Variants in ATG7 observed in about 807,000 individuals in gnomAD.
ATG7 encodes autophagy related 7.
Under a neutral mutation model 82.4 loss-of-function variants are expected in ATG7, and 70 were observed. That is an observed-to-expected ratio of 0.85 (90% CI 0.70 to 1.04). ATG7 has a LOEUF of 1.04. Ranked by LOEUF, ATG7 falls within the 50% of genes least tolerant of loss-of-function variation. The pLI, the probability that ATG7 is intolerant of heterozygous loss-of-function variation, is 0.00. For synonymous variants in ATG7, 287 were observed against 313.0 expected, an observed-to-expected ratio of 0.92 and a Z score of 0.88; for missense variants, 792 against 864.3, an observed-to-expected ratio of 0.92 and a Z score of 1.05.
At chr3:11,488,298 T>G (rs2089957172) in intron 20 of ATG7, 1 of 291,598 alleles carries the variant, frequency 3.4e-6, no homozygotes, top group Admixed American at 5.5e-5. Flanking sequence ...GGCAGGCGGC[T>G]GCTCCTTGCC....
chr3:11,414,507 T>A (rs1202639137), intron 19 of ATG7, among the ~76,000 whole-genome samples: 2 of 152,244 alleles, frequency 1.3e-5, no homozygotes, highest in Non-Finnish European at 2.9e-5. Flanking sequence ...ACAGTTTTAT[T>A]TCTTCCTTCC....
chr3:11,288,676 C>T (rs746131628), intron 3 of ATG7: 1 of 152,240 alleles, frequency 6.6e-6, no homozygotes, highest in Admixed American at 6.5e-5. Flanking sequence ...CGCCACTGCA[C>T]ATTTCCTGTG....
intron 20 of ATG7, among the ~76,000 whole-genome samples, chr3:11,512,344 A>G (rs571229024): frequency 6.6e-6 from 1 of 152,334 alleles, no homozygotes; most frequent in East Asian, 1.9e-4. Context: ...CTCTGGGTCA[A>G]GGGCTCCAGA....
chr3:11,297,715 T>C (rs1381829031), intron 3 of ATG7, among the ~76,000 whole-genome samples: 3 of 151,656 alleles, frequency 2.0e-5, no homozygotes, highest in African/African-American at 7.3e-5. Context: ...CTGTGGGAGG[T>C]GGGGAGAAGC....
chr3:11,283,561 G>C (rs1423519283), intron 3 of ATG7, among the ~76,000 whole-genome samples: 5 of 152,012 alleles, frequency 3.3e-5, no homozygotes, highest in Non-Finnish European at 7.4e-5. Context: ...ATCCACACTC[G>C]GGTTCATCTG....
downstream of ATG7, chr3:11,558,970 C>G: frequency 9.7e-7 from 1 of 1,028,344 alleles, no homozygotes; most frequent in Non-Finnish European, 1.4e-6. Flanking sequence ...CCCACCTCCC[C>G]CGGCTAAGTC....
chr3:11,543,508 C>G (rs1278088729), intron 20 of ATG7, among the ~76,000 whole-genome samples: 2 of 152,238 alleles, frequency 1.3e-5, no homozygotes, highest in Non-Finnish European at 2.9e-5. Flanking sequence ...TCTGCCAAGT[C>G]TGGTGCCCAG....
intron 1 of ATG7, chr3:11,272,845 G>A (rs79086200): frequency 2.0e-5 from 3 of 152,236 alleles, no homozygotes; most frequent in African/African-American, 7.2e-5. Context: ...TGCAAAATGG[G>A]AATGATAATC....
chr3:11,488,635 C>T (rs1275398600), intron 20 of ATG7, among the ~76,000 whole-genome samples: 1 of 152,106 alleles, frequency 6.6e-6, no homozygotes, highest in Non-Finnish European at 1.5e-5. Context: ...CCTTCTGGGG[C>T]CTCCGGCGCC....
At chr3:11,535,199 C>G (rs1339472614) in intron 20 of ATG7, among the ~76,000 whole-genome samples, 1 of 152,230 alleles carries the variant, frequency 6.6e-6, no homozygotes, top group Non-Finnish European at 1.5e-5. Flanking sequence ...TGAGCCTTAG[C>G]TGAGTGCCCA....
rs1286068595 is a variant in ATG7, at chr3:11,388,980, G to T, written c.1956+8928G>T. The stretch of plus-strand genomic sequence containing the variant: ...ACCTAAATATAGGCCTGGCATGGTG[G>T]TTCACACCTGTAATATCAGCACTGT... On this transcript the variant is annotated intron_variant, in intron 19 of 20. Transcript: ENST00000693202. Among the ~76,000 whole-genome samples the T allele has an allele frequency of 2.0e-5, 3 of 151,962 alleles. No homozygotes were observed. The East Asian group carries it at 5.8e-4, about 29-fold the overall frequency.
chr3:11,333,976 C>G (rs1559414335), intron 11 of ATG7, among the ~76,000 whole-genome samples: 1 of 152,042 alleles, frequency 6.6e-6, no homozygotes, highest in Non-Finnish European at 1.5e-5. Flanking sequence ...GTCTCCATCT[C>G]CTGACCTTGT....
At chr3:11,434,311 G>A (rs1214052976) in intron 20 of ATG7, among the ~76,000 whole-genome samples, 1 of 152,196 alleles carries the variant, frequency 6.6e-6, no homozygotes. Flanking sequence ...GGAAACCCCC[G>A]TGTCAGCACT....
chr3:11,541,434 C>T (rs2070824833), intron 20 of ATG7, among the ~76,000 whole-genome samples: 1 of 152,146 alleles, frequency 6.6e-6, no homozygotes, highest in Non-Finnish European at 1.5e-5. Context: ...CATCTCAGTA[C>T]CAAACTATCT....
intron 20 of ATG7, among the ~76,000 whole-genome samples, chr3:11,504,560 C>A (rs991633234): frequency 2.5e-4 from 38 of 152,218 alleles, no homozygotes; most frequent in African/African-American, 8.2e-4. Context: ...ATGACTAGAA[C>A]AGACTGGATC....
At chr3:11,469,988 C>CAAAAAAAAAAAAAAAAAA (rs10628540) in intron 20 of ATG7, among the ~76,000 whole-genome samples, 4 of 87,542 alleles carry the variant, frequency 4.6e-5, no homozygotes, top group African/African-American at 1.4e-4. Context: ...GACTCCATCT[C>CAAAAAAAAAAAAAAAAAA]AAAAAAAAAA....
chr3:11,336,331 C>T (rs1389061714), intron 11 of ATG7, among the ~76,000 whole-genome samples: 3 of 152,020 alleles, frequency 2.0e-5, no homozygotes, highest in African/African-American at 7.2e-5. Context: ...ACACGTCCAG[C>T]CGATGCTGAC....
At chr3:11,448,191 T>G (rs1364015609) in intron 20 of ATG7, among the ~76,000 whole-genome samples, 1 of 152,170 alleles carries the variant, frequency 6.6e-6, no homozygotes, top group Non-Finnish European at 1.5e-5. Context: ...AGCTGCACAG[T>G]CTTCCTTACC....
intron 5 of ATG7, 136 bp downstream of exon 5, chr3:11,299,552 A>G (rs1038231259): frequency 2.0e-5 from 16 of 809,170 alleles, no homozygotes; most frequent in Non-Finnish European, 3.3e-5. Flanking sequence ...CCCCCTCATG[A>G]TTCTCTTATA....
Sources: gnomAD v4.1 joint callset for allele counts (sites outside exome capture counted in the v4.1 genomes callset) on GRCh38, gnomAD v4.1.1 for gene constraint, MANE v1.5 for transcripts, NCBI Gene and HGNC (gene_info 2026-07-23, HGNC 2026-07-21) for gene names.